The following WDR72 variants were observed in gnomAD, a reference collection of about 807,000 sequenced individuals.
The protein encoded by WDR72 is WD repeat-containing protein 72.
In WDR72, 120 loss-of-function variants were observed where a neutral mutation model predicts 124.2. That is an observed-to-expected ratio of 0.97 (90% CI 0.83 to 1.12). The LOEUF is 1.12. WDR72 is among the 50% of genes most tolerant of loss of function. WDR72 has a pLI of 0.00. For missense variants in WDR72, 1,387 were observed against 1,278.8 expected (o/e 1.08, Z -1.29); for synonymous variants, 452 against 441.7 (o/e 1.02, Z -0.29).
At chr15:53,716,468 G>C in intron 4 of WDR72, 139 bp downstream of exon 4, 3 of 703,482 alleles carry the variant, frequency 4.3e-6, no homozygotes, top group Non-Finnish European at 7.8e-6. Flanking sequence ...ACAATTACTG[G>C]TGATATTTGA....
intron 14 of WDR72, among the ~76,000 whole-genome samples, chr15:53,637,252 T>C (rs1412617087): frequency 2.0e-5 from 3 of 152,200 alleles, no homozygotes; most frequent in African/African-American, 7.2e-5. Flanking sequence ...GAAATAAAAA[T>C]GTATTAACAT....
intron 14 of WDR72, among the ~76,000 whole-genome samples, chr15:53,649,321 T>A (rs2015151036): frequency 6.6e-6 from 1 of 152,160 alleles, no homozygotes; most frequent in Admixed American, 6.5e-5. Flanking sequence ...TAACTGATCC[T>A]TTAGAGAAAA....
At chr15:53,530,597 A>G (rs898922496) in intron 18 of WDR72, among the ~76,000 whole-genome samples, 7 of 152,080 alleles carry the variant, frequency 4.6e-5, no homozygotes, top group Non-Finnish European at 1.0e-4. Context: ...GATAAATTGA[A>G]GAACAGTCAG....
chr15:53,700,863 C>T (rs1306639967), intron 12 of WDR72, among the ~76,000 whole-genome samples: 3 of 152,156 alleles, frequency 2.0e-5, no homozygotes, highest in Non-Finnish European at 4.4e-5. Flanking sequence ...ATTCTATTTC[C>T]TGGAGAACCT....
At chr15:53,743,547 A>G (rs1477483154) in intron 1 of WDR72, among the ~76,000 whole-genome samples, 1 of 152,210 alleles carries the variant, frequency 6.6e-6, no homozygotes, top group Non-Finnish European at 1.5e-5. Context: ...AATGATTTTT[A>G]GCCATTCGAA....
At chr15:53,695,193 A>G (rs2016966274) in intron 13 of WDR72, among the ~76,000 whole-genome samples, 1 of 152,220 alleles carries the variant, frequency 6.6e-6, no homozygotes, top group Non-Finnish European at 1.5e-5. Context: ...ATATTTCCCA[A>G]CACAGTTTGT....
At chr15:53,699,696 A>G (rs2017106518) in intron 13 of WDR72, 54 bp downstream of exon 13, 1 of 1,585,388 alleles carries the variant, frequency 6.3e-7, no homozygotes, top group Non-Finnish European at 8.7e-7. Flanking sequence ...ATCTGGTCAA[A>G]TGCTTGTACA....
At chr15:53,644,761 G>C (rs2014982220) in intron 14 of WDR72, among the ~76,000 whole-genome samples, 1 of 152,066 alleles carries the variant, frequency 6.6e-6, no homozygotes, top group South Asian at 2.1e-4. Flanking sequence ...CGGGTGGAGA[G>C]CAGCATGATT....
intron 1 of WDR72, among the ~76,000 whole-genome samples, chr15:53,744,472 A>C (rs2018593757): frequency 6.6e-6 from 1 of 152,100 alleles, no homozygotes; most frequent in African/African-American, 2.4e-5. Context: ...CCAGCTCCCA[A>C]ACTGTTCTGC....
At chr15:53,684,968 C>T (rs1330176946) in intron 13 of WDR72, among the ~76,000 whole-genome samples, 1 of 152,184 alleles carries the variant, frequency 6.6e-6, no homozygotes, top group Non-Finnish European at 1.5e-5. Context: ...CCTCACAAGG[C>T]AAGGTATTCC....
intron 13 of WDR72, among the ~76,000 whole-genome samples, chr15:53,694,026 T>G (rs1221595381): frequency 2.0e-5 from 3 of 152,136 alleles, no homozygotes; most frequent in Non-Finnish European, 4.4e-5. Context: ...TACTAATTGG[T>G]CAAAGACTTC....
Position 53,712,846 on chromosome 15 carries a change from A to G in WDR72, c.637T>C (p.Leu213=). 1 of 1,613,890 alleles carries G rather than the reference A, an allele frequency of 6.2e-7. No homozygotes were observed. Among genetic ancestry groups the G allele is most frequent in the Non-Finnish European group, 8.5e-7 (1 of 1,179,896 alleles). ...YEKESKFLES[L]NCQTIRFCTY... The stretch of plus-strand genomic sequence containing the variant: ...CAAAATCGAATTGTCTGGCAGTTCA[A>G]GGACTCAAGAAACTTGGATTCTTTT... Residue 213 remains leucine (L), a synonymous_variant, in exon 7 of 20, where the codon TTG becomes CTG. Transcript: ENST00000360509.
At chr15:53,559,745 A>T (rs142012693) in intron 18 of WDR72, among the ~76,000 whole-genome samples, 1 of 151,920 alleles carries the variant, frequency 6.6e-6, no homozygotes, top group Non-Finnish European at 1.5e-5. Context: ...AGAAAGAAAA[A>T]TCATTAGGAG....
At chr15:53,706,346 G>GTATATATATATATATATA (rs2017358723) in intron 9 of WDR72, among the ~76,000 whole-genome samples, 1 of 98,046 alleles carries the variant, frequency 1.0e-5, no homozygotes, top group African/African-American at 3.7e-5. Flanking sequence ...GTGTGTGTGT[G>GTATATATATATATATATA]TGTGTATATA....
At chr15:53,698,599 A>T (rs1439179245) in intron 13 of WDR72, among the ~76,000 whole-genome samples, 1 of 152,194 alleles carries the variant, frequency 6.6e-6, no homozygotes, top group Non-Finnish European at 1.5e-5. Context: ...CCGAGGTCCT[A>T]TTAACAGGTT....
intron 18 of WDR72, among the ~76,000 whole-genome samples, chr15:53,538,627 CATT>C (rs140493941): frequency 2.6e-5 from 4 of 152,246 alleles, no homozygotes; most frequent in African/African-American, 7.2e-5. Flanking sequence ...ATGCGGAATG[CATT>C]ATTATATCCA....
At chr15:53,689,166 AC>A (rs1489610068) in intron 13 of WDR72, among the ~76,000 whole-genome samples, 1 of 152,240 alleles carries the variant, frequency 6.6e-6, no homozygotes, top group Non-Finnish European at 1.5e-5. Flanking sequence ...CCAGGACTTC[AC>A]GTCTAAAACA....
intron 2 of WDR72, among the ~76,000 whole-genome samples, chr15:53,728,202 T>C (rs2140596283): frequency 6.6e-6 from 1 of 152,342 alleles, no homozygotes; most frequent in Middle Eastern, 3.4e-3. Context: ...CTTACCTGGA[T>C]GGCAGCAGGC....
chr15:53,634,844 G>C (rs1468167947), intron 14 of WDR72, among the ~76,000 whole-genome samples: 1 of 152,200 alleles, frequency 6.6e-6, no homozygotes, highest in Non-Finnish European at 1.5e-5. Flanking sequence ...TGGGTAGGGG[G>C]ACTGAATGGT....
Sources: allele counts gnomAD v4.1 joint callset (sites outside exome capture counted in the v4.1 genomes callset), GRCh38; gene constraint gnomAD v4.1.1; transcripts MANE v1.5; gene names NCBI Gene and HGNC (gene_info 2026-07-23, HGNC 2026-07-21).